Variants in PI4KA observed in about 807,000 individuals in gnomAD.
The protein encoded by PI4KA is phosphatidylinositol 4-kinase alpha.
In PI4KA, 122 loss-of-function variants were observed where a neutral mutation model predicts 271.4. The observed-to-expected ratio is 0.45, with a 90% confidence interval of 0.39 to 0.52. The LOEUF is 0.52. PI4KA is among the 20% of genes least tolerant of loss of function. The probability of loss-of-function intolerance (pLI) is 0.00; values close to 1 mark genes in which losing one functional copy is unlikely to be tolerated. For missense variants in PI4KA, 1,969 were observed against 2,769.1 expected, an observed-to-expected ratio of 0.71 and a Z score of 6.48; for synonymous variants, 1,041 against 1,078.8, an observed-to-expected ratio of 0.96 and a Z score of 0.69.
chr22:20,819,786 T>G lies in PI4KA; in HGVS notation c.644A>C (p.His215Pro), dbSNP rs746482108. 1.2e-6 allele frequency: 2 copies of G among 1,614,118 alleles called. No individual in the cohort carries two copies. Among genetic ancestry groups the G allele is most frequent in the South Asian group, 1.1e-5 (1 of 91,082 alleles). ...AAGCTCTTCCAGGACACGGAGGGAA[T>G]GAGGAGGGATTTTGGGAAAGAGCTT... ...LSKLFPKIPP[H>P]SLRVLEELEG... The change falls in exon 6 of 55, where the codon CAT becomes CCT. Residue 215 changes from histidine (H) to proline (P), a missense_variant. His to Pro is a moderately conservative substitution (Grantham distance 77, BLOSUM62 -2). Coordinates refer to ENST00000255882, the MANE Select transcript of PI4KA (RefSeq NM_058004.4).
intron 12 of PI4KA, among the ~76,000 whole-genome samples, chr22:20,804,009 G>A (rs1362124624): frequency 2.0e-5 from 3 of 152,216 alleles, no homozygotes; most frequent in Non-Finnish European, 4.4e-5. Flanking sequence ...CATGGCACAT[G>A]TCCACAGTCC....
At chr22:20,718,926 T>C (rs1487385055) in intron 43 of PI4KA, 104 bp from the exon 44 acceptor site, 33 of 1,227,582 alleles carry the variant, frequency 2.7e-5, no homozygotes, top group Non-Finnish European at 3.6e-5. Flanking sequence ...GCCCAGAGTA[T>C]GCTCTGCAGG....
At chr22:20,754,085 T>C (rs1931010070) in intron 23 of PI4KA, among the ~76,000 whole-genome samples, 1 of 152,150 alleles carries the variant, frequency 6.6e-6, no homozygotes, top group South Asian at 2.1e-4. Flanking sequence ...TTACCGTTTT[T>C]CCCTTTTTCT....
intron 7 of PI4KA, among the ~76,000 whole-genome samples, chr22:20,816,528 T>C (rs542077860): frequency 4.0e-4 from 61 of 152,148 alleles, no homozygotes; most frequent in Non-Finnish European, 7.5e-4. Context: ...TAGTATGTGG[T>C]GTTGTATACC....
intron 1 of PI4KA, among the ~76,000 whole-genome samples, chr22:20,846,029 G>A (rs569230175): frequency 1.6e-4 from 25 of 152,078 alleles, no homozygotes; most frequent in African/African-American, 5.5e-4. Flanking sequence ...AGGCCGAGGC[G>A]GGCGGATCAG....
chr22:20,771,354 C>T lies in PI4KA; in HGVS notation c.2329-5661G>A, dbSNP rs376911852. 1.4e-4 allele frequency among the ~76,000 whole-genome samples: 21 copies of T among 150,502 alleles called. No homozygotes were observed. In the East Asian group the frequency reaches 1.4e-3, roughly 10 times the overall value. On this transcript the variant is annotated intron_variant, in intron 19 of 54. Coordinates refer to ENST00000255882, the MANE Select transcript of PI4KA (RefSeq NM_058004.4). ...AGGAGAATGGCGTGAACCCAGGAGGCGGAGCTTGCAGTGAGCTGAGATTGC... is the reference window on the plus strand; with the variant it reads ...AGGAGAATGGCGTGAACCCAGGAGGTGGAGCTTGCAGTGAGCTGAGATTGC...
Position 20,858,573 on chromosome 22 carries a change from C to G in PI4KA, c.153G>C (p.Glu51Asp). 1 of 1,401,040 alleles carries G rather than the reference C, an allele frequency of 7.1e-7. No individual in the cohort carries two copies. The highest frequency in any genetic ancestry group is 9.3e-7 in the Non-Finnish European group (1 of 1,074,638). 86.8% of individuals were successfully genotyped at this position (1,401,040 alleles called of 1,614,324 possible). A position where few individuals can be genotyped will look rare whatever the true frequency, so the allele number is the denominator to read the frequency against. The part of the protein sequence containing the change: ...SLAVQRPASL[E>D]KVQKLLCMCP... ...CGGCCCAGCCCGCCGACGTTACCTTCTCCAAGGATGCTGGTCTCTGCACCG... is the reference window on the plus strand; with the variant it reads ...CGGCCCAGCCCGCCGACGTTACCTTGTCCAAGGATGCTGGTCTCTGCACCG... Residue 51 changes from glutamate to aspartate, a missense_variant, in exon 1 of 55, where the codon GAG (glutamate) becomes GAC (aspartate). By Grantham distance (45) the Glu-to-Asp change is conservative. This residue lies in a region of PI4KA where 540 missense variants were observed against 555.5 expected (regional missense o/e 0.97). Transcript: ENST00000255882.
intron 43 of PI4KA, among the ~76,000 whole-genome samples, chr22:20,720,403 T>C (rs1045591489): frequency 2.6e-5 from 4 of 152,082 alleles, no homozygotes; most frequent in Admixed American, 2.6e-4. Context: ...AAATTAAAAA[T>C]TAGCCAGTCG....
Position 20,729,919 on chromosome 22 carries a change from C to T in PI4KA, c.4381G>A (p.Gly1461Ser), listed in dbSNP as rs565662495. The T allele has an allele frequency of 2.3e-5, 37 of 1,614,002 alleles. No homozygotes were observed. The highest frequency in any genetic ancestry group is 5.3e-5 in the African/African-American group (4 of 74,896). The change falls in exon 37 of 55, where the codon GGC becomes AGC. Residue 1461 changes from glycine (G) to serine (S), a missense_variant. Gly to Ser is a moderately conservative substitution (Grantham distance 56, BLOSUM62 0). Coordinates refer to ENST00000255882, the MANE Select transcript of PI4KA (RefSeq NM_058004.4). ...GWINTYPLSSGMSTISKKSGM... is the reference protein window; with the variant it reads ...GWINTYPLSSSMSTISKKSGM... ...GATTTCTTGGAGATGGTGGACATGC[C>T]GCTGGACAGGGGGTATGTGTTGATC...
At chr22:20,825,903 G>A (rs1923347922) in intron 3 of PI4KA, among the ~76,000 whole-genome samples, 1 of 152,012 alleles carries the variant, frequency 6.6e-6, no homozygotes, top group East Asian at 1.9e-4. Flanking sequence ...TCTTAAGTAG[G>A]CCCCAGTGTC....
At chr22:20,848,995 T>C (rs1926625985) in intron 1 of PI4KA, among the ~76,000 whole-genome samples, 1 of 152,180 alleles carries the variant, frequency 6.6e-6, no homozygotes, top group Admixed American at 6.6e-5. Context: ...AAAAAAATAC[T>C]ACAATTTAAA....
At chr22:20,835,530 G>A (rs1433164470) in intron 2 of PI4KA, among the ~76,000 whole-genome samples, 2 of 151,988 alleles carry the variant, frequency 1.3e-5, no homozygotes, top group Non-Finnish European at 2.9e-5. Flanking sequence ...TCAGGAATTT[G>A]AGACCCAGCT....
rs966591898 is a variant in PI4KA at position 20,819,134 on chromosome 22, C to T, written c.789+507G>A. On this transcript the variant is annotated intron_variant, in intron 6 of 54. Transcript: ENST00000255882. The stretch of plus-strand genomic sequence containing the variant: ...TAAGAAGCAGATGTTTAGGGCGAAA[C>T]GGTGAAAGGGAGGCAGTGTGTCATA... Among the ~76,000 whole-genome samples, 5 of 152,104 alleles carry T rather than the reference C, an allele frequency of 3.3e-5. No individual in the cohort carries two copies. In the East Asian group the frequency reaches 5.8e-4, roughly 18 times the overall value.
chr22:20,768,351 C>T (rs1225433070), intron 19 of PI4KA, among the ~76,000 whole-genome samples: 1 of 151,622 alleles, frequency 6.6e-6, no homozygotes, highest in Non-Finnish European at 1.5e-5. Context: ...GAATTACAGG[C>T]GTGAGCCACC....
intron 13 of PI4KA, among the ~76,000 whole-genome samples, chr22:20,802,402 G>A (rs901793400): frequency 2.6e-5 from 4 of 152,326 alleles, no homozygotes; most frequent in South Asian, 4.1e-4. Context: ...CTCTGAGGGC[G>A]ACTGAGGCAT....
At chr22:20,736,103 C>T (rs945120114) in intron 32 of PI4KA, among the ~76,000 whole-genome samples, 2 of 151,998 alleles carry the variant, frequency 1.3e-5, no homozygotes, top group Non-Finnish European at 2.9e-5. Context: ...TGCGAGTGAG[C>T]GTGTGACAGA....
chr22:20,780,267 T>C (rs1933665552), intron 19 of PI4KA: 2 of 1,606,794 alleles, frequency 1.2e-6, no homozygotes, highest in Non-Finnish European at 1.7e-6. Context: ...GTGGGTAGAT[T>C]GAATGCCAAG....
At chr22:20,760,018 A>C (rs1352669134) in intron 23 of PI4KA, among the ~76,000 whole-genome samples, 2 of 152,172 alleles carry the variant, frequency 1.3e-5, no homozygotes, top group African/African-American at 2.4e-5. Flanking sequence ...CAACAAAAGA[A>C]AAAATGGTAC....
chr22:20,799,407 A>T, intron 15 of PI4KA, 131 bp from the exon 16 acceptor site: 1 of 922,378 alleles, frequency 1.1e-6, no homozygotes, highest in Non-Finnish European at 1.6e-6. Flanking sequence ...TGAAACTGAC[A>T]GCCCAGGATT....
Sources: allele counts gnomAD v4.1 joint callset (sites outside exome capture counted in the v4.1 genomes callset), GRCh38; gene constraint gnomAD v4.1.1; regional missense constraint gnomAD v4.1.1; transcripts MANE v1.5; gene names NCBI Gene and HGNC (gene_info 2026-07-23, HGNC 2026-07-21).